The following PEX3 variants were observed in gnomAD, a reference collection of about 807,000 sequenced individuals.
PEX3 encodes the protein peroxin-3.
PEX3 carries 30 observed loss-of-function variants against 55.8 expected under a neutral mutation model. The observed-to-expected ratio is 0.54, with a 90% CI of 0.40 to 0.73. The LOEUF is 0.73. PEX3 is among the 30% of genes least tolerant of loss of function. The pLI, the probability that PEX3 is intolerant of heterozygous loss-of-function variation, is 0.00. For synonymous variants in PEX3, 135 were observed against 148.4 expected (o/e 0.91, Z 0.66); for missense variants, 351 against 432.8 (o/e 0.81, Z 1.68).
intron 10 of PEX3, among the ~76,000 whole-genome samples, chr6:143,480,993 G>A (rs1004080613): frequency 2.0e-5 from 3 of 152,032 alleles, no homozygotes; most frequent in Non-Finnish European, 4.4e-5. Flanking sequence ...TCCTGGGCGA[G>A]GGAGTGAGAC....
chr6:143,454,340 C>G lies in PEX3; in HGVS notation c.73+3225C>G, dbSNP rs1443231747. Among the ~76,000 whole-genome samples the G allele has an allele frequency of 1.3e-5, 2 of 152,146 alleles. No individual in the cohort carries two copies. The highest frequency in any genetic ancestry group is 4.8e-5 in the African/African-American group (2 of 41,430). ...CTCCCTGAAATGGTCTTAAAGACCC[C>G]AGGGGTGCCCATGCCACACTTTGAG... On this transcript the variant is annotated intron_variant, in intron 1 of 11. Coordinates refer to ENST00000367591, the MANE Select transcript of PEX3 (RefSeq NM_003630.3). This position sits in a 1 kb window ranked among gnomAD's most constrained non-coding sequence, Gnocchi z 4.3.
In PEX3 at chr6:143,471,635, T is replaced by G. The variant is rs748544408; in HGVS notation, c.578+24T>G. 5 of 1,559,500 alleles carry G rather than the reference T, an allele frequency of 3.2e-6. No homozygotes were observed. The South Asian group carries it at 5.6e-5, about 17-fold the overall frequency. On this transcript the variant is annotated intron_variant, in intron 7 of 11. Transcript: ENST00000367591. The surrounding 1 kb of genome is among the most constrained non-coding windows in gnomAD (Gnocchi z 5.4). ...AGGTAAGGCATTTTTCTTTGACTTT[T>G]CTGACTTCTTGATTCTAATGAGTGA...
chr6:143,486,077 C>G lies in PEX3; in HGVS notation c.1038+829C>G, dbSNP rs756088246. On this transcript the variant is annotated intron_variant, in intron 11 of 11. Transcript: ENST00000367591. This position sits in a 1 kb window ranked among gnomAD's most constrained non-coding sequence, Gnocchi z 5.0. ...GTGGAGAGCACTGAGACTAAGAGTT[C>G]GTTTCCTCCTTTCACTGTGGTGTCA... Among the ~76,000 whole-genome samples the G allele has an allele frequency of 6.6e-6, 1 of 152,110 alleles. No homozygotes were observed. Among genetic ancestry groups the G allele is most frequent in the Non-Finnish European group, 1.5e-5 (1 of 68,008 alleles).
Position 143,471,287 on chromosome 6 carries a change from A to G in PEX3, c.457-96A>G. On this transcript the variant is annotated intron_variant, in intron 5 of 11. Transcript: ENST00000367591. This position sits in a 1 kb window ranked among gnomAD's most constrained non-coding sequence, Gnocchi z 5.4. The stretch of plus-strand genomic sequence containing the variant: ...AAATTACTATTTTTCCCGTCATTTC[A>G]GATCTTGAAAAATCTCAGCCAAAGT... 1 of 1,145,482 alleles carries G rather than the reference A, an allele frequency of 8.7e-7. No individual in the cohort carries two copies. The highest frequency in any genetic ancestry group is 1.3e-6 in the Non-Finnish European group (1 of 764,312). 71.0% of individuals were successfully genotyped at this position (1,145,482 alleles called of 1,614,324 possible). A position where few individuals can be genotyped will look rare whatever the true frequency, so the allele number is the denominator to read the frequency against.
At chr6:143,473,936 G>A (rs1231477577) in intron 8 of PEX3, among the ~76,000 whole-genome samples, 1 of 151,624 alleles carries the variant, frequency 6.6e-6, no homozygotes, top group Admixed American at 6.6e-5. Context: ...AGACCAGCCT[G>A]GGAAGCATAA....
At chr6:143,455,255 C>G (rs1414560020) in intron 1 of PEX3, among the ~76,000 whole-genome samples, 1 of 150,130 alleles carries the variant, frequency 6.7e-6, no homozygotes, top group African/African-American at 2.5e-5. Context: ...TGCAGTGGCT[C>G]GATCTCGGCT....
rs1292345315 is a variant in PEX3 at position 143,483,754 on chromosome 6, CTTA to C, written c.942-1394_942-1392del. On this transcript the variant is annotated intron_variant, in intron 10 of 11. Coordinates refer to ENST00000367591, the MANE Select transcript of PEX3 (RefSeq NM_003630.3). This position sits in a 1 kb window ranked among gnomAD's most constrained non-coding sequence, Gnocchi z 4.3. ...GGACAGACAAATGGATGAATGAAGACTTATTAATCAATTCAACAAGTATGTATT... is the reference window on the plus strand; with the variant it reads ...GGACAGACAAATGGATGAATGAAGACTTAATCAATTCAACAAGTATGTATT... Among the ~76,000 whole-genome samples the C allele has an allele frequency of 2.0e-5, 3 of 152,040 alleles. No individual in the cohort carries two copies. Among genetic ancestry groups the C allele is most frequent in the Non-Finnish European group, 4.4e-5 (3 of 68,000 alleles).
chr6:143,473,002 C>T (rs187530496), intron 8 of PEX3, among the ~76,000 whole-genome samples: 37 of 152,270 alleles, frequency 2.4e-4, no homozygotes, highest in Admixed American at 1.9e-3. Flanking sequence ...GGTTATGGCT[C>T]ATTTCCTAAA....
At position 143,490,551 on chromosome 6, in the gene PEX3, T is replaced by C; in HGVS notation, c.*1325T>C. ...ACTCACATATGCTAATCTTGGCAAATCTGCCAAGCATGTCTTCACCAAGGG... is the reference window on the plus strand; with the variant it reads ...ACTCACATATGCTAATCTTGGCAAACCTGCCAAGCATGTCTTCACCAAGGG... On this transcript the variant is annotated 3_prime_UTR_variant, in exon 12 of 12. Transcript: ENST00000367591. This position sits in a 1 kb window ranked among gnomAD's most constrained non-coding sequence, Gnocchi z 6.0. The C allele has an allele frequency of 4.1e-6, 2 of 483,180 alleles. No individual in the cohort carries two copies. The highest frequency in any genetic ancestry group is 2.4e-5 in the South Asian group (1 of 41,352). The allele number at this position is 483,180 out of a possible 1,614,324, so 29.9% of individuals were successfully genotyped here.
intron 1 of PEX3, among the ~76,000 whole-genome samples, chr6:143,456,775 G>T (rs982810004): frequency 6.6e-6 from 1 of 152,178 alleles, no homozygotes; most frequent in Non-Finnish European, 1.5e-5. Flanking sequence ...ATTCTGAGGT[G>T]TTGGGGCTCC....
intron 8 of PEX3, 53 bp from the exon 9 acceptor site, chr6:143,474,733 A>G: frequency 2.2e-6 from 2 of 901,346 alleles, no homozygotes; most frequent in South Asian, 1.3e-5. Flanking sequence ...TAGTTTCATC[A>G]TAACCCTGTG....
Position 143,472,196 on chromosome 6 carries a change from G to C in PEX3, c.615G>C (p.Leu205Phe), listed in dbSNP as rs1780084538. Residue 205 changes from leucine to phenylalanine, a missense_variant, in exon 8 of 12, where the codon TTG becomes TTC. Leu to Phe is a conservative substitution (Grantham distance 22). Coordinates refer to ENST00000367591, the MANE Select transcript of PEX3 (RefSeq NM_003630.3). Reference protein sequence around the residue: ...SLKHSLSLLDLEQKLKEIRNL... With the variant: ...SLKHSLSLLDFEQKLKEIRNL... ...AACATTCTTTGTCCCTTTTGGACTTGGAGCAAAAACTAAAAGAAATCAGAA... is the reference window on the plus strand; with the variant it reads ...AACATTCTTTGTCCCTTTTGGACTTCGAGCAAAAACTAAAAGAAATCAGAA... 1.9e-6 allele frequency: 3 copies of C among 1,610,510 alleles called. No homozygotes were observed. The highest frequency in any genetic ancestry group is 2.5e-6 in the Non-Finnish European group (3 of 1,177,120).
intron 4 of PEX3, among the ~76,000 whole-genome samples, chr6:143,469,834 A>G (rs1690152492): frequency 6.6e-6 from 1 of 152,294 alleles, no homozygotes; most frequent in Non-Finnish European, 1.5e-5. Context: ...TCTTTAATCC[A>G]TCTTGAATTA....
In PEX3 at chr6:143,479,100, T is replaced by C; in HGVS notation, c.843T>C (p.Asn281=). 6.3e-7 allele frequency: 1 copy of C among 1,580,562 alleles called. No homozygotes were observed. Among genetic ancestry groups the C allele is most frequent in the Non-Finnish European group, 8.7e-7 (1 of 1,149,662 alleles). The change falls in exon 10 of 12, where the codon AAT becomes AAC. Residue 281 remains asparagine (N), a synonymous_variant. Transcript: ENST00000367591. The surrounding 1 kb of genome is among the most constrained non-coding windows in gnomAD (Gnocchi z 4.6). The part of the protein sequence containing the change: ...LESPDFSTVL[N]TCLNRGFSRL... The stretch of plus-strand genomic sequence containing the variant: ...GCCCAGATTTTAGTACAGTTTTGAA[T>C]ACCTGTTTAAACCGAGGTTTTAGTA...
intron 3 of PEX3, among the ~76,000 whole-genome samples, chr6:143,467,783 C>T (rs1780012152): frequency 6.6e-6 from 1 of 151,972 alleles, no homozygotes; most frequent in Admixed American, 6.6e-5. Flanking sequence ...TTCATATTTA[C>T]CTTTGAAGGA....
rs919665607 is a variant in PEX3, at chr6:143,482,561, A to G, written c.942-2591A>G. Among the ~76,000 whole-genome samples, 2 of 152,034 alleles carry G rather than the reference A, an allele frequency of 1.3e-5. No homozygotes were observed. Among genetic ancestry groups the G allele is most frequent in the Non-Finnish European group, 2.9e-5 (2 of 67,944 alleles). On this transcript the variant is annotated intron_variant, in intron 10 of 11. Coordinates refer to ENST00000367591, the MANE Select transcript of PEX3 (RefSeq NM_003630.3). This position sits in a 1 kb window ranked among gnomAD's most constrained non-coding sequence, Gnocchi z 5.5. Reference sequence around the variant, plus strand: ...GGTAATATGGAGGAATAATGGAATGAGAATGTTTAAGCAGTTATTGGAAAA... The same window carrying G: ...GGTAATATGGAGGAATAATGGAATGGGAATGTTTAAGCAGTTATTGGAAAA...
intron 10 of PEX3, among the ~76,000 whole-genome samples, chr6:143,481,597 A>G (rs1346081268): frequency 1.3e-5 from 2 of 152,198 alleles, no homozygotes; most frequent in Admixed American, 6.5e-5. Flanking sequence ...TTGGTAATCC[A>G]TAACATTAAT....
rs1780253902 is a variant in PEX3 at position 143,482,391 on chromosome 6, T to A, written c.942-2761T>A. On this transcript the variant is annotated intron_variant, in intron 10 of 11. Coordinates refer to ENST00000367591, the MANE Select transcript of PEX3 (RefSeq NM_003630.3). The surrounding 1 kb of genome is among the most constrained non-coding windows in gnomAD (Gnocchi z 5.5). ...TATATGAAGGGGACAGACTTTATAC[T>A]TAGAAACCCAAGAGAGTCAACTAAA... Among the ~76,000 whole-genome samples, 1 of 152,076 alleles carries A rather than the reference T, an allele frequency of 6.6e-6. No individual in the cohort carries two copies. Among genetic ancestry groups the A allele is most frequent in the Admixed American group, 6.6e-5 (1 of 15,252 alleles).
In PEX3 at chr6:143,458,945, CA is replaced by C; in HGVS notation, c.74-136del. 1 of 609,566 alleles carries C rather than the reference CA, an allele frequency of 1.6e-6. No homozygotes were observed. Among genetic ancestry groups the C allele is most frequent in the Non-Finnish European group, 2.9e-6 (1 of 345,890 alleles). 37.8% of individuals were successfully genotyped at this position (609,566 alleles called of 1,614,324 possible). A position where few individuals can be genotyped will look rare whatever the true frequency, so the allele number is the denominator to read the frequency against. On this transcript the variant is annotated intron_variant, in intron 1 of 11. Transcript: ENST00000367591. This position sits in a 1 kb window ranked among gnomAD's most constrained non-coding sequence, Gnocchi z 6.1. ...TTTCCTTTTCTTTGGGCCAATCTTA[CA>C]AAATTCTTTATTTAGGTTTTAAAAA...
Sources: allele counts gnomAD v4.1 joint callset (sites outside exome capture counted in the v4.1 genomes callset), GRCh38; gene constraint gnomAD v4.1.1; non-coding constraint Gnocchi (gnomAD v3.1); transcripts MANE v1.5; gene names NCBI Gene and HGNC (gene_info 2026-07-23, HGNC 2026-07-21).